The following DAAM1 variants were observed in gnomAD, a reference collection of about 807,000 sequenced individuals.
The protein encoded by DAAM1 is disheveled-associated activator of morphogenesis 1.
In DAAM1, 52 loss-of-function variants were observed where a neutral mutation model predicts 130.0. That is an observed-to-expected ratio of 0.40 (90% CI 0.32 to 0.50). The LOEUF is 0.50. Among genes scored for constraint, DAAM1 ranks in the 20% least tolerant of loss-of-function variants. DAAM1 has a pLI of 0.61. For synonymous variants in DAAM1, 452 were observed against 444.5 expected, an observed-to-expected ratio of 1.02 and a Z score of -0.21; for missense variants, 1,134 against 1,303.8, an observed-to-expected ratio of 0.87 and a Z score of 2.01.
At chr14:59,267,326 G>A (rs545116068) in intron 2 of DAAM1, among the ~76,000 whole-genome samples, 28 of 152,200 alleles carry the variant, frequency 1.8e-4, no homozygotes, top group African/African-American at 6.0e-4. Context: ...CACCTCATTA[G>A]TAAAGCAAGC....
At chr14:59,288,860 A>AGAGAGAGAGAGAGAGAGAGAGAGAGAGC (rs1018804753) in intron 2 of DAAM1, among the ~76,000 whole-genome samples, 34 of 144,098 alleles carry the variant, frequency 2.4e-4, no homozygotes, top group African/African-American at 7.6e-4. Context: ...AGAGAGAGAG[A>AGAGAGAGAGAGAGAGAGAGAGAGAGAGC]GCGCGCGAAG....
At chr14:59,278,975 G>T (rs61986053) in intron 2 of DAAM1, among the ~76,000 whole-genome samples, 1 of 151,926 alleles carries the variant, frequency 6.6e-6, no homozygotes, top group African/African-American at 2.4e-5. Flanking sequence ...TATATACAAA[G>T]CTGTATTTTT....
At chr14:59,252,866 C>T (rs1881709448) in intron 1 of DAAM1, among the ~76,000 whole-genome samples, 1 of 152,202 alleles carries the variant, frequency 6.6e-6, no homozygotes, top group Non-Finnish European at 1.5e-5. Flanking sequence ...TGAACAGTTT[C>T]TCCCTGGGCT....
intron 1 of DAAM1, among the ~76,000 whole-genome samples, chr14:59,242,862 C>G (rs146476813): frequency 6.6e-6 from 1 of 152,028 alleles, no homozygotes; most frequent in Non-Finnish European, 1.5e-5. Context: ...CCGCTGGGTA[C>G]TATTATTATT....
In DAAM1 at chr14:59,205,607, C is replaced by G. The variant is rs576819946; in HGVS notation, c.-38+16839C>G. ...ATTGCTTTTTTACAGTGAGCCTTTG[C>G]TAGTTATTTCATATCTGTATGTTCT... On this transcript the variant is annotated intron_variant, in intron 1 of 24. Transcript: ENST00000360909. Among the ~76,000 whole-genome samples the G allele has an allele frequency of 5.9e-5, 9 of 152,256 alleles. No homozygotes were observed. The East Asian group carries it at 1.7e-3, about 29-fold the overall frequency.
intron 16 of DAAM1, among the ~76,000 whole-genome samples, chr14:59,340,611 GTT>G (rs1392225171): frequency 1.3e-5 from 2 of 152,092 alleles, no homozygotes; most frequent in African/African-American, 2.4e-5. Context: ...ATGATTTCAT[GTT>G]CTTTTTGAGC....
At chr14:59,309,151 T>TC (rs1192557127) in intron 3 of DAAM1, among the ~76,000 whole-genome samples, 7 of 152,150 alleles carry the variant, frequency 4.6e-5, no homozygotes, top group Non-Finnish European at 5.9e-5. Context: ...ATCTCCAAAC[T>TC]CCAAGTTTTA....
chr14:59,281,163 C>CG (rs1047207896), intron 2 of DAAM1, among the ~76,000 whole-genome samples: 3 of 152,164 alleles, frequency 2.0e-5, no homozygotes, highest in African/African-American at 7.2e-5. Context: ...CTTCCACCCT[C>CG]GGGGGGTTGC....
chr14:59,362,451 T>G (rs1886745065), intron 22 of DAAM1: 1 of 152,178 alleles, frequency 6.6e-6, no homozygotes, highest in African/African-American at 2.4e-5. Flanking sequence ...TATGAAATTA[T>G]ACATTAATGA....
At chr14:59,275,798 C>T (rs559389445) in intron 2 of DAAM1, among the ~76,000 whole-genome samples, 2 of 152,272 alleles carry the variant, frequency 1.3e-5, no homozygotes, top group South Asian at 2.1e-4. Flanking sequence ...TCAGCCTTTG[C>T]TTGTGGTGTT....
chr14:59,342,990 G>C (rs1042362062), intron 16 of DAAM1, among the ~76,000 whole-genome samples: 2 of 152,142 alleles, frequency 1.3e-5, no homozygotes, highest in African/African-American at 4.8e-5. Flanking sequence ...CCGAAATTCA[G>C]GCATTGTGCA....
chr14:59,229,126 G>A (rs1278266419), intron 1 of DAAM1, among the ~76,000 whole-genome samples: 5 of 152,154 alleles, frequency 3.3e-5, no homozygotes, highest in Non-Finnish European at 5.9e-5. Flanking sequence ...TCTTCCATGT[G>A]TGCCATTTTG....
chr14:59,365,342 C>T (rs1886874873), intron 23 of DAAM1, among the ~76,000 whole-genome samples: 1 of 152,150 alleles, frequency 6.6e-6, no homozygotes, highest in African/African-American at 2.4e-5. Flanking sequence ...CAGTTGTAGA[C>T]TGGCTATTGC....
At chr14:59,226,984 CTGTT>C (rs963307830) in intron 1 of DAAM1, among the ~76,000 whole-genome samples, 7 of 152,176 alleles carry the variant, frequency 4.6e-5, no homozygotes, top group African/African-American at 1.2e-4. Context: ...TTCCATGTCT[CTGTT>C]TGTCAGATTT....
intron 2 of DAAM1, among the ~76,000 whole-genome samples, 172 bp from the exon 3 acceptor site, chr14:59,291,045 A>G (rs757508532): frequency 1.1e-4 from 16 of 152,080 alleles, no homozygotes; most frequent in Non-Finnish European, 1.9e-4. Context: ...TGCCAGGGAC[A>G]TGCTTTCTTC....
Position 59,263,612 on chromosome 14 carries a change from G to A in DAAM1, c.135G>A (p.Leu45=). The change falls in exon 2 of 25, where the codon TTG becomes TTA. Residue 45 remains leucine, a synonymous_variant. Coordinates refer to ENST00000360909, the MANE Select transcript of DAAM1 (RefSeq NM_001270520.2). ...NFALQTMEPA[L]PMPPVEELDV... ...CGCTTCAGACCATGGAACCAGCATT[G>A]CCCATGCCCCCTGTGGAGGAGCTGG... The A allele has an allele frequency of 6.2e-7, 1 of 1,614,188 alleles. No individual in the cohort carries two copies. Among genetic ancestry groups the A allele is most frequent in the Non-Finnish European group, 8.5e-7 (1 of 1,180,024 alleles).
chr14:59,326,398 G>C, intron 10 of DAAM1, 112 bp from the exon 11 acceptor site: 5 of 1,108,802 alleles, frequency 4.5e-6, no homozygotes, highest in Non-Finnish European at 5.1e-6. Context: ...TGGTGCAGAT[G>C]TTATAAACAT....
intron 2 of DAAM1, among the ~76,000 whole-genome samples, chr14:59,289,366 G>A (rs1883614964): frequency 6.6e-6 from 1 of 152,154 alleles, no homozygotes; most frequent in Admixed American, 6.5e-5. Context: ...AGATTTGGGT[G>A]GGGTTGCAGA....
intron 2 of DAAM1, chr14:59,265,912 C>G (rs1056290524): frequency 6.6e-6 from 1 of 152,186 alleles, no homozygotes; most frequent in Non-Finnish European, 1.5e-5. Flanking sequence ...CAGTGCAGAT[C>G]ACATGGCCAC....
Sources: gnomAD v4.1 joint callset for allele counts (sites outside exome capture counted in the v4.1 genomes callset) on GRCh38, gnomAD v4.1.1 for gene constraint, MANE v1.5 for transcripts, NCBI Gene and HGNC (gene_info 2026-07-23, HGNC 2026-07-21) for gene names.